SYNDIG1: variants seen among roughly 807,000 people sequenced by gnomAD.
SYNDIG1 encodes synapse differentiation-inducing gene protein 1.
Under a neutral mutation model 19.4 loss-of-function variants are expected in SYNDIG1, and 9 were observed. That is an observed-to-expected ratio of 0.46 (90% CI 0.28 to 0.81). The LOEUF is 0.81. SYNDIG1 is among the 30% of genes least tolerant of loss of function. SYNDIG1 has a pLI of 0.12. For synonymous variants in SYNDIG1, 141 were observed against 145.9 expected (o/e 0.97, Z 0.24); for missense variants, 311 against 343.3 (o/e 0.91, Z 0.74).
At chr20:24,628,774 C>T (rs940126110) in intron 3 of SYNDIG1, among the ~76,000 whole-genome samples, 2 of 152,164 alleles carry the variant, frequency 1.3e-5, no homozygotes, top group East Asian at 1.9e-4. Context: ...AAATGCATCG[C>T]GCTAGGGCTC....
chr20:24,549,319 C>T (rs1020414959), intron 2 of SYNDIG1, among the ~76,000 whole-genome samples: 5 of 152,268 alleles, frequency 3.3e-5, no homozygotes, highest in Middle Eastern at 3.4e-3. Flanking sequence ...CAATGCTTAA[C>T]TTTCCCTCCT....
intron 2 of SYNDIG1, among the ~76,000 whole-genome samples, chr20:24,576,585 T>C (rs1184667232): frequency 1.3e-5 from 2 of 152,116 alleles, no homozygotes; most frequent in African/African-American, 4.8e-5. Context: ...GACTCCTGAG[T>C]TGTGAACTCA....
intron 3 of SYNDIG1, among the ~76,000 whole-genome samples, chr20:24,605,902 A>G (rs927983723): frequency 6.6e-6 from 1 of 152,224 alleles, no homozygotes; most frequent in Non-Finnish European, 1.5e-5. Context: ...CTCACCTCCA[A>G]TTACATTTCC....
At chr20:24,566,633 T>G (rs2058047486) in intron 2 of SYNDIG1, among the ~76,000 whole-genome samples, 1 of 152,148 alleles carries the variant, frequency 6.6e-6, no homozygotes, top group Admixed American at 6.5e-5. Flanking sequence ...CCTTAAAGTG[T>G]ACTCCATGGA....
At chr20:24,507,533 C>T (rs959560721) in intron 1 of SYNDIG1, among the ~76,000 whole-genome samples, 1 of 152,194 alleles carries the variant, frequency 6.6e-6, no homozygotes, top group African/African-American at 2.4e-5. Flanking sequence ...CTCCAGGAAC[C>T]CAGCCCTTGC....
At chr20:24,519,971 C>T (rs1406261194) in intron 1 of SYNDIG1, among the ~76,000 whole-genome samples, 1 of 152,154 alleles carries the variant, frequency 6.6e-6, no homozygotes, top group Non-Finnish European at 1.5e-5. Flanking sequence ...GTCTGTGGCT[C>T]TTTCTCTCTT....
intron 3 of SYNDIG1, among the ~76,000 whole-genome samples, chr20:24,590,505 C>A (rs892038118): frequency 1.3e-5 from 2 of 152,086 alleles, no homozygotes; most frequent in Non-Finnish European, 2.9e-5. Context: ...AGGGCGACGA[C>A]GGCAGTGGTC....
chr20:24,593,045 T>C (rs765811724), intron 3 of SYNDIG1, among the ~76,000 whole-genome samples: 1 of 152,218 alleles, frequency 6.6e-6, no homozygotes, highest in Admixed American at 6.5e-5. Context: ...TCTGGCCCAC[T>C]GCTGCTGGAA....
In SYNDIG1 at chr20:24,666,353, G is replaced by A. The variant is rs1252689026; in HGVS notation, c.*849G>A. The A allele has an allele frequency of 6.6e-6, 1 of 152,634 alleles. No individual in the cohort carries two copies. Among genetic ancestry groups the A allele is most frequent in the Non-Finnish European group, 1.5e-5 (1 of 68,042 alleles). The allele number at this position is 152,634 out of a possible 1,614,324, so 9.5% of individuals were successfully genotyped here. A position where few individuals can be genotyped will look rare whatever the true frequency, so the allele number is the denominator to read the frequency against. Reference sequence around the variant, plus strand: ...GGGGCGCCTCCCAATCACCGCGCTGGCGGATGCTCACCCCGTCATAAGCAG... The same window carrying A: ...GGGGCGCCTCCCAATCACCGCGCTGACGGATGCTCACCCCGTCATAAGCAG... On this transcript the variant is annotated 3_prime_UTR_variant, in exon 4 of 4. Transcript: ENST00000376862.
intron 3 of SYNDIG1, among the ~76,000 whole-genome samples, chr20:24,607,873 G>A (rs569346417): frequency 2.6e-5 from 4 of 152,182 alleles, no homozygotes; most frequent in African/African-American, 7.2e-5. Context: ...TCAGATACCC[G>A]AAGGTAACGT....
intron 3 of SYNDIG1, among the ~76,000 whole-genome samples, chr20:24,602,835 T>A (rs544924382): frequency 1.3e-5 from 2 of 152,352 alleles, no homozygotes; most frequent in Admixed American, 6.5e-5. Context: ...ATACAGAGAA[T>A]GTATTATTTT....
At chr20:24,641,173 C>T (rs934098287) in intron 3 of SYNDIG1, among the ~76,000 whole-genome samples, 3 of 152,182 alleles carry the variant, frequency 2.0e-5, no homozygotes, top group African/African-American at 7.2e-5. Context: ...GTTCACCTTC[C>T]TGAACCTTAA....
intron 3 of SYNDIG1, among the ~76,000 whole-genome samples, chr20:24,633,839 G>C (rs1266726049): frequency 6.6e-6 from 1 of 152,164 alleles, no homozygotes; most frequent in African/African-American, 2.4e-5. Context: ...GCACCTAGGG[G>C]AGGCCGTGGT....
At chr20:24,558,053 A>G (rs993243158) in intron 2 of SYNDIG1, among the ~76,000 whole-genome samples, 1 of 152,170 alleles carries the variant, frequency 6.6e-6, no homozygotes, top group Non-Finnish European at 1.5e-5. Context: ...AACAATGTAT[A>G]GGAAAACAGG....
intron 1 of SYNDIG1, among the ~76,000 whole-genome samples, chr20:24,514,969 A>T (rs1251988007): frequency 6.6e-6 from 1 of 152,216 alleles, no homozygotes; most frequent in South Asian, 2.1e-4. Context: ...GGATTAAGAA[A>T]CTCACTCAAA....
At chr20:24,606,318 C>G (rs1314327735) in intron 3 of SYNDIG1, among the ~76,000 whole-genome samples, 1 of 152,230 alleles carries the variant, frequency 6.6e-6, no homozygotes, top group Non-Finnish European at 1.5e-5. Flanking sequence ...TCCTGAACAG[C>G]TGATGGTCAG....
At chr20:24,621,887 C>G (rs1022589350) in intron 3 of SYNDIG1, among the ~76,000 whole-genome samples, 10 of 152,306 alleles carry the variant, frequency 6.6e-5, no homozygotes, top group African/African-American at 2.4e-4. Flanking sequence ...TAAATCTACA[C>G]CAAACATTGA....
chr20:24,551,530 G>C (rs1245789972), intron 2 of SYNDIG1, among the ~76,000 whole-genome samples: 1 of 150,206 alleles, frequency 6.7e-6, no homozygotes, highest in African/African-American at 2.4e-5. Context: ...TGTTTCCTTT[G>C]GCTTAAATTT....
chr20:24,516,648 C>A (rs1206366259), intron 1 of SYNDIG1, among the ~76,000 whole-genome samples: 1 of 152,126 alleles, frequency 6.6e-6, no homozygotes, highest in Non-Finnish European at 1.5e-5. Context: ...GAATGGTGAT[C>A]ATTAAAAAGT....
Sources: gnomAD v4.1 joint callset for allele counts (sites outside exome capture counted in the v4.1 genomes callset) on GRCh38, gnomAD v4.1.1 for gene constraint, MANE v1.5 for transcripts, NCBI Gene and HGNC (gene_info 2026-07-23, HGNC 2026-07-21) for gene names.